Variants in CDH4 observed in about 807,000 individuals in gnomAD.
The protein encoded by CDH4 is cadherin 4.
CDH4 carries 33 observed loss-of-function variants against 86.0 expected under a neutral mutation model. That is an observed-to-expected ratio of 0.38 (90% CI 0.29 to 0.51). The LOEUF is 0.51. Ranked by LOEUF, CDH4 falls within the 20% of genes least tolerant of loss-of-function variation. The pLI is 0.86. For synonymous variants in CDH4, 555 were observed against 549.4 expected (o/e 1.01, Z -0.14); for missense variants, 1,114 against 1,307.4 (o/e 0.85, Z 2.28).
chr20:61,707,510 T>C (rs1167930997), intron 2 of CDH4, among the ~76,000 whole-genome samples: 1 of 152,162 alleles, frequency 6.6e-6, no homozygotes, highest in Non-Finnish European at 1.5e-5. Context: ...TGCCGTGTAA[T>C]CCTTACCTGC....
intron 2 of CDH4, among the ~76,000 whole-genome samples, chr20:61,656,770 G>C (rs891928860): frequency 1.3e-5 from 2 of 152,170 alleles, no homozygotes; most frequent in African/African-American, 2.4e-5. Context: ...CCAAAGGCAG[G>C]GGTCCATTCC....
At chr20:61,515,345 C>T (rs2085811176) in intron 2 of CDH4, among the ~76,000 whole-genome samples, 1 of 152,206 alleles carries the variant, frequency 6.6e-6, no homozygotes, top group Non-Finnish European at 1.5e-5. Flanking sequence ...CCGCAGTCCC[C>T]AAAAGCTGCA....
At chr20:61,828,599 G>C (rs910529805) in intron 4 of CDH4, among the ~76,000 whole-genome samples, 1 of 152,152 alleles carries the variant, frequency 6.6e-6, no homozygotes, top group African/African-American at 2.4e-5. Context: ...CTGAGGGGAG[G>C]GTCCTGAGGA....
At chr20:61,369,303 TAGCC>T (rs2084827057) in intron 2 of CDH4, among the ~76,000 whole-genome samples, 1 of 151,460 alleles carries the variant, frequency 6.6e-6, no homozygotes, top group Non-Finnish European at 1.5e-5. Context: ...ATACAAAAAT[TAGCC>T]AGGTGTGGTG....
chr20:61,844,364 T>C (rs571543160), intron 4 of CDH4, among the ~76,000 whole-genome samples: 9 of 152,258 alleles, frequency 5.9e-5, no homozygotes, highest in African/African-American at 1.9e-4. Flanking sequence ...CACGAGGCCA[T>C]TTTATACCAT....
chr20:61,481,966 G>A (rs1179068687), intron 2 of CDH4, among the ~76,000 whole-genome samples: 1 of 152,148 alleles, frequency 6.6e-6, no homozygotes. Context: ...CATCCATGGT[G>A]ATTTTGTTTC....
chr20:61,800,293 C>G (rs1192818686), intron 4 of CDH4, among the ~76,000 whole-genome samples: 1 of 152,214 alleles, frequency 6.6e-6, no homozygotes, highest in African/African-American at 2.4e-5. Context: ...GGGCAGAGCT[C>G]CTCGCCCCAT....
intron 4 of CDH4, among the ~76,000 whole-genome samples, chr20:61,835,370 C>A (rs1466526288): frequency 6.6e-6 from 1 of 152,168 alleles, no homozygotes; most frequent in East Asian, 1.9e-4. Context: ...GGCCAGTGTT[C>A]TTAATAATAA....
chr20:61,652,930 A>ATTTTTTTTTTTTTTTTTTTTTTTTTT (rs1200927520), intron 2 of CDH4, among the ~76,000 whole-genome samples: 2 of 108,036 alleles, frequency 1.9e-5, no homozygotes, highest in Admixed American at 1.8e-4. Context: ...TTATTTATTT[A>ATTTTTTTTTTTTTTTTTTTTTTTTTT]TTTATTTATT....
rs1480184737 is a variant in CDH4 at position 61,676,883 on chromosome 20, C to G, written c.170-66680C>G. On this transcript the variant is annotated intron_variant, in intron 2 of 15. Transcript: ENST00000614565. The surrounding 1 kb of genome is among the most constrained non-coding windows in gnomAD (Gnocchi z 4.5). ...GTGGCCTTTGCCAGGGGAGGCCTGACTGGGTGGCCTCTGCTGGAGGACCTG... is the reference window on the plus strand; with the variant it reads ...GTGGCCTTTGCCAGGGGAGGCCTGAGTGGGTGGCCTCTGCTGGAGGACCTG... Among the ~76,000 whole-genome samples the G allele has an allele frequency of 1.3e-5, 2 of 152,094 alleles. No homozygotes were observed. Among genetic ancestry groups the G allele is most frequent in the Non-Finnish European group, 1.5e-5 (1 of 68,016 alleles).
chr20:61,911,515 G>A (rs755832370), intron 9 of CDH4, among the ~76,000 whole-genome samples: 21 of 152,358 alleles, frequency 1.4e-4, no homozygotes, highest in Non-Finnish European at 2.8e-4. Context: ...AAGAAGAAAA[G>A]AGCAAGAGCA....
intron 2 of CDH4, among the ~76,000 whole-genome samples, chr20:61,520,227 G>T (rs1054686255): frequency 1.1e-4 from 16 of 152,210 alleles, no homozygotes; most frequent in African/African-American, 3.1e-4. Flanking sequence ...CTGCATCTGA[G>T]ATTGTTGCCA....
intron 3 of CDH4, among the ~76,000 whole-genome samples, chr20:61,763,591 A>T (rs1049308807): frequency 6.6e-6 from 1 of 152,142 alleles, no homozygotes; most frequent in Non-Finnish European, 1.5e-5. Context: ...GAAATGTTAC[A>T]ATAGTTGATC....
intron 2 of CDH4, among the ~76,000 whole-genome samples, chr20:61,356,637 C>T (rs1192537354): frequency 1.3e-5 from 2 of 151,874 alleles, no homozygotes; most frequent in Admixed American, 6.6e-5. Context: ...AAGCTTGCAC[C>T]GTATGTGAAT....
intron 2 of CDH4, among the ~76,000 whole-genome samples, chr20:61,383,777 A>G (rs868509378): frequency 6.1e-4 from 29 of 47,324 alleles, no homozygotes; most frequent in East Asian, 8.5e-3. Context: ...ATATATATGC[A>G]TATATATGAA....
intron 2 of CDH4, among the ~76,000 whole-genome samples, chr20:61,292,221 A>G (rs763863860): frequency 6.6e-6 from 1 of 152,226 alleles, no homozygotes; most frequent in Non-Finnish European, 1.5e-5. Context: ...GAGCAAAGAC[A>G]TGGAATCAGC....
chr20:61,767,560 G>T (rs1019283407), intron 3 of CDH4, among the ~76,000 whole-genome samples: 1 of 152,196 alleles, frequency 6.6e-6, no homozygotes, highest in African/African-American at 2.4e-5. Context: ...TGGAGGTCTG[G>T]TCCCCAGCAC....
At chr20:61,800,032 C>T (rs370468813) in intron 4 of CDH4, among the ~76,000 whole-genome samples, 5 of 152,204 alleles carry the variant, frequency 3.3e-5, no homozygotes, top group East Asian at 1.9e-4. Flanking sequence ...GCACAGTCAC[C>T]GGGCCGGCTT....
At chr20:61,867,277 C>A (rs1487033780) in intron 6 of CDH4, among the ~76,000 whole-genome samples, 1 of 152,200 alleles carries the variant, frequency 6.6e-6, no homozygotes, top group Non-Finnish European at 1.5e-5. Flanking sequence ...AGGCCAGGCA[C>A]GGTAGCTCAC....
Sources: gnomAD v4.1 joint callset for allele counts (sites outside exome capture counted in the v4.1 genomes callset) on GRCh38, gnomAD v4.1.1 for gene constraint, Gnocchi (gnomAD v3.1) non-coding constraint, MANE v1.5 for transcripts, NCBI Gene and HGNC (gene_info 2026-07-23, HGNC 2026-07-21) for gene names.